SHOC1: variants seen among roughly 807,000 people sequenced by gnomAD.
SHOC1 encodes protein shortage in chiasmata 1 ortholog.
A neutral mutation model predicts 179.2 loss-of-function variants in SHOC1; 136 were observed. The ratio of observed to expected loss-of-function variants is 0.76; its 90% confidence interval spans 0.66 to 0.87. The LOEUF is 0.87. Among genes scored for constraint, SHOC1 ranks in the 40% least tolerant of loss-of-function variants. The pLI, the probability that SHOC1 is intolerant of heterozygous loss-of-function variation, is 0.00. For synonymous variants in SHOC1, 489 were observed against 586.6 expected (o/e 0.83, Z 2.41); for missense variants, 1,538 against 1,700.8 (o/e 0.90, Z 1.68).
chr9:111,723,068 C>T (rs1833140520), intron 14 of SHOC1, among the ~76,000 whole-genome samples: 1 of 152,182 alleles, frequency 6.6e-6, no homozygotes, highest in East Asian at 1.9e-4. Flanking sequence ...GTGTGAGCCA[C>T]CGCGCCTGGC....
rs561154835 is a variant in SHOC1, at chr9:111,780,418, G to A, written c.257+512C>T. On this transcript the variant is annotated intron_variant, in intron 4 of 27. Coordinates refer to ENST00000682961, the MANE Select transcript of SHOC1 (RefSeq NM_001378211.1). Reference sequence around the variant, plus strand: ...TTCCTCCTCATATTATGCTCTGGGTGCCTATCTCTGTCATTGTACTTTGCA... The same window carrying A: ...TTCCTCCTCATATTATGCTCTGGGTACCTATCTCTGTCATTGTACTTTGCA... Among the ~76,000 whole-genome samples, 10 of 152,228 alleles carry A rather than the reference G, an allele frequency of 6.6e-5. 1 individual carries two copies. In the South Asian group the frequency reaches 1.4e-3, roughly 22 times the overall value.
At chr9:111,688,492 A>G (rs949666118) in intron 27 of SHOC1, among the ~76,000 whole-genome samples, 1 of 152,152 alleles carries the variant, frequency 6.6e-6, no homozygotes, top group Admixed American at 6.5e-5. Flanking sequence ...ACAGATGAAA[A>G]CAGTTTTGAA....
At chr9:111,789,193 C>T (rs1836367016) in intron 2 of SHOC1, among the ~76,000 whole-genome samples, 2 of 151,794 alleles carry the variant, frequency 1.3e-5, no homozygotes, top group Non-Finnish European at 2.9e-5. Flanking sequence ...AATAAGAAGT[C>T]CTTATTATCC....
intron 2 of SHOC1, 27 bp from the exon 3 acceptor site, chr9:111,786,062 T>A: frequency 7.1e-7 from 1 of 1,411,496 alleles, no homozygotes; most frequent in Non-Finnish European, 9.4e-7. Flanking sequence ...GATTAGAAAA[T>A]CTTTTAACAT....
At chr9:111,753,967 CA>C (rs1201389445) in intron 8 of SHOC1, among the ~76,000 whole-genome samples, 1 of 152,074 alleles carries the variant, frequency 6.6e-6, no homozygotes, top group Admixed American at 6.6e-5. Flanking sequence ...AGAGACCTAA[CA>C]TACAGTATGG....
intron 18 of SHOC1, among the ~76,000 whole-genome samples, chr9:111,710,473 TAG>T (rs1259893685): frequency 6.6e-6 from 1 of 152,326 alleles, no homozygotes; most frequent in South Asian, 2.1e-4. Context: ...ACTACGTATA[TAG>T]AGAGGCACTA....
intron 5 of SHOC1, among the ~76,000 whole-genome samples, chr9:111,768,227 A>G (rs2131595872): frequency 6.9e-6 from 1 of 144,764 alleles, no homozygotes; most frequent in East Asian, 2.0e-4. Flanking sequence ...TTGTATGTTA[A>G]ATTTTTTTTT....
At chr9:111,733,319 G>A (rs1362769401) in intron 12 of SHOC1, among the ~76,000 whole-genome samples, 1 of 151,854 alleles carries the variant, frequency 6.6e-6, no homozygotes, top group Non-Finnish European at 1.5e-5. Flanking sequence ...AGAGATATTG[G>A]TATAAGAAAC....
At chr9:111,696,146 A>C (rs1831678420) in intron 24 of SHOC1, among the ~76,000 whole-genome samples, 1 of 152,224 alleles carries the variant, frequency 6.6e-6, no homozygotes, top group Admixed American at 6.5e-5. Flanking sequence ...TCCTGCAAAG[A>C]TGGTTCATAA....
At chr9:111,766,877 G>T (rs1331937413) in intron 5 of SHOC1, among the ~76,000 whole-genome samples, 2 of 152,170 alleles carry the variant, frequency 1.3e-5, no homozygotes, top group Non-Finnish European at 2.9e-5. Flanking sequence ...CTCCCAAAGT[G>T]CTGGGATTAC....
intron 2 of SHOC1, 22 bp downstream of exon 2, chr9:111,791,352 C>T: frequency 1.5e-6 from 2 of 1,374,818 alleles, no homozygotes; most frequent in Non-Finnish European, 1.9e-6. Flanking sequence ...AGTAAATAGA[C>T]AGTAAGCCAC....
chr9:111,703,046 G>A (rs1832056443), intron 22 of SHOC1, among the ~76,000 whole-genome samples: 1 of 152,128 alleles, frequency 6.6e-6, no homozygotes, highest in Non-Finnish European at 1.5e-5. Flanking sequence ...GGAGTTCGAG[G>A]CTGCAGTGAG....
intron 12 of SHOC1, among the ~76,000 whole-genome samples, chr9:111,734,089 C>T (rs1460854422): frequency 6.6e-6 from 1 of 152,044 alleles, no homozygotes; most frequent in Non-Finnish European, 1.5e-5. Context: ...ATAGTTATTG[C>T]TACTTAAACT....
chr9:111,713,323 T>A (rs756333009), intron 17 of SHOC1, 151 bp from the exon 18 acceptor site: 79 of 539,028 alleles, frequency 1.5e-4, no homozygotes, highest in Non-Finnish European at 2.3e-4. Context: ...AAAATGTCAA[T>A]ACTTAAACTC....
chr9:111,780,846 A>T (rs1012531316), intron 4 of SHOC1, 84 bp downstream of exon 4: 23 of 914,010 alleles, frequency 2.5e-5, no homozygotes, highest in Admixed American at 2.4e-5. Context: ...AAAGGAAGAG[A>T]TTTTCCCTCT....
At chr9:111,709,747 A>C (rs1383966832) in intron 18 of SHOC1, among the ~76,000 whole-genome samples, 2 of 152,344 alleles carry the variant, frequency 1.3e-5, no homozygotes, top group Admixed American at 6.5e-5. Context: ...TTAATTGTAC[A>C]TTTTAAAGTA....
intron 27 of SHOC1, among the ~76,000 whole-genome samples, chr9:111,690,138 C>G (rs1831362772): frequency 6.6e-6 from 1 of 152,052 alleles, no homozygotes; most frequent in Admixed American, 6.6e-5. Context: ...AAAAGAATCT[C>G]TTAGGCCGGG....
intron 18 of SHOC1, among the ~76,000 whole-genome samples, chr9:111,711,274 TGAAGGCTGAAAAACCAGACTGCTGG>T (rs1424523465): frequency 6.6e-6 from 1 of 152,190 alleles, no homozygotes; most frequent in Non-Finnish European, 1.5e-5. Flanking sequence ...TAAAGCAGCC[TGAAGGCTGAAAAACCAGACTGCTGG>T]TCCTGGATGA....
chr9:111,756,806 A>G lies in SHOC1; in HGVS notation c.709-328T>C, dbSNP rs367984897. Among the ~76,000 whole-genome samples, 11 of 152,196 alleles carry G rather than the reference A, an allele frequency of 7.2e-5. No individual in the cohort carries two copies. The East Asian group carries it at 7.7e-4, about 11-fold the overall frequency. On this transcript the variant is annotated intron_variant, in intron 7 of 27. Transcript: ENST00000682961. ...AAATTAAAAACAGTCACTGCAGTAG[A>G]TGAGAGATAATAAATGGTGAGAAGT... is the stretch of plus-strand genomic sequence containing the variant.
Sources: allele counts gnomAD v4.1 joint callset (sites outside exome capture counted in the v4.1 genomes callset), GRCh38; gene constraint gnomAD v4.1.1; transcripts MANE v1.5; gene names NCBI Gene and HGNC (gene_info 2026-07-23, HGNC 2026-07-21).